Variants in ZBTB20 observed in about 807,000 individuals in gnomAD.
The protein encoded by ZBTB20 is zinc finger and BTB domain containing 20.
A neutral mutation model predicts 56.9 loss-of-function variants in ZBTB20; 9 were observed. That is an observed-to-expected ratio of 0.16 (90% CI 0.10 to 0.28). The LOEUF (loss-of-function observed/expected upper bound fraction) is 0.28. Among genes scored for constraint, ZBTB20 ranks in the 10% least tolerant of loss-of-function variants. The probability of loss-of-function intolerance (pLI) is 1.00; values close to 1 mark genes in which losing one functional copy is unlikely to be tolerated. For synonymous variants in ZBTB20, 417 were observed against 420.7 expected (o/e 0.99, Z 0.11); for missense variants, 655 against 1,003.0 (o/e 0.65, Z 4.69).
intron 2 of ZBTB20, among the ~76,000 whole-genome samples, chr3:115,054,913 G>A (rs956696762): frequency 1.3e-5 from 2 of 152,034 alleles, no homozygotes; most frequent in African/African-American, 4.8e-5. Flanking sequence ...TATAAGAAGT[G>A]TTAGGACTTG....
intron 7 of ZBTB20, among the ~76,000 whole-genome samples, chr3:114,484,019 C>T (rs191042202): frequency 2.0e-5 from 3 of 152,100 alleles, no homozygotes; most frequent in Non-Finnish European, 4.4e-5. Context: ...GCACAAATGA[C>T]AAATTGGCAC....
intron 7 of ZBTB20, among the ~76,000 whole-genome samples, chr3:114,442,475 A>G (rs966901346): frequency 6.6e-6 from 1 of 152,152 alleles, no homozygotes; most frequent in Non-Finnish European, 1.5e-5. Flanking sequence ...CAGGAACACC[A>G]GTAACAGCAA....
At chr3:114,403,627 T>C (rs914351667) in intron 7 of ZBTB20, among the ~76,000 whole-genome samples, 13 of 151,978 alleles carry the variant, frequency 8.6e-5, no homozygotes, top group African/African-American at 3.1e-4. Context: ...TCTCCATATT[T>C]GTACAACACT....
At position 114,585,510 on chromosome 3, in the gene ZBTB20, A is replaced by G. The variant is rs554102900; in HGVS notation, c.-294-85119T>C. On this transcript the variant is annotated intron_variant, in intron 6 of 11. Transcript: ENST00000675478. Reference sequence around the variant, plus strand: ...TGTGGGGTTCAGAGGATGCAGGAAGAAATCTATTTCTGTGCAGTTCATTTT... The same window carrying G: ...TGTGGGGTTCAGAGGATGCAGGAAGGAATCTATTTCTGTGCAGTTCATTTT... Among the ~76,000 whole-genome samples the G allele has an allele frequency of 9.2e-5, 14 of 152,346 alleles. No homozygotes were observed. The South Asian group carries it at 2.9e-3, about 32-fold the overall frequency.
chr3:114,840,216 G>A (rs1264569148), intron 4 of ZBTB20, among the ~76,000 whole-genome samples: 1 of 144,544 alleles, frequency 6.9e-6, no homozygotes, highest in Non-Finnish European at 1.5e-5. Context: ...TTGCAGGGTC[G>A]CTGTGTGATA....
intron 6 of ZBTB20, among the ~76,000 whole-genome samples, chr3:114,623,556 GT>G (rs1475637958): frequency 2.0e-5 from 3 of 152,222 alleles, no homozygotes; most frequent in African/African-American, 7.2e-5. Context: ...GTGTGGGGAG[GT>G]TCCCTAACGT....
chr3:114,361,080 T>A (rs1344479485), intron 10 of ZBTB20, among the ~76,000 whole-genome samples: 1 of 152,156 alleles, frequency 6.6e-6, no homozygotes, highest in Non-Finnish European at 1.5e-5. Context: ...TATTTACATA[T>A]TGTCAAAAAA....
chr3:114,683,256 T>C lies in ZBTB20; in HGVS notation c.-295+10272A>G, dbSNP rs565694008. 2.0e-5 allele frequency among the ~76,000 whole-genome samples: 3 copies of C among 152,288 alleles called. No individual in the cohort carries two copies. The South Asian group carries it at 6.2e-4, about 32-fold the overall frequency. On this transcript the variant is annotated intron_variant, in intron 6 of 11. Coordinates refer to ENST00000675478, the MANE Select transcript of ZBTB20 (RefSeq NM_001348800.3). ...GTCACCATACCCCAGAAAAAATCTTTACATATCCATGTCTTAGACACTGAG... is the reference window on the plus strand; with the variant it reads ...GTCACCATACCCCAGAAAAAATCTTCACATATCCATGTCTTAGACACTGAG...
Position 114,339,462 on chromosome 3 carries a change from G to A in ZBTB20, c.1805-36C>T. The A allele has an allele frequency of 6.3e-7, 1 of 1,588,056 alleles. No individual in the cohort carries two copies. Among genetic ancestry groups the A allele is most frequent in the Middle Eastern group, 1.7e-4 (1 of 5,774 alleles). ...AGGAAGAGACAGCAAGCAGGACAGA[G>A]CGAGACATAGCAAGGGATAGAGAAT... On this transcript the variant is annotated intron_variant, in intron 11 of 11. Transcript: ENST00000675478. The surrounding 1 kb of genome is among the most constrained non-coding windows in gnomAD (Gnocchi z 4.2).
intron 4 of ZBTB20, among the ~76,000 whole-genome samples, chr3:114,807,336 C>T (rs1478869869): frequency 6.6e-6 from 1 of 151,876 alleles, no homozygotes; most frequent in Non-Finnish European, 1.5e-5. Context: ...ATATTGCCGG[C>T]AAATAAATAG....
intron 6 of ZBTB20, among the ~76,000 whole-genome samples, chr3:114,535,367 A>G (rs1230034010): frequency 7.2e-5 from 11 of 152,236 alleles, no homozygotes; most frequent in Non-Finnish European, 1.0e-4. Flanking sequence ...AAACACCTCT[A>G]TGCAAATAAA....
At chr3:114,879,247 G>T (rs773259733) in intron 4 of ZBTB20, among the ~76,000 whole-genome samples, 5 of 152,246 alleles carry the variant, frequency 3.3e-5, no homozygotes, top group Admixed American at 1.3e-4. Flanking sequence ...CTCAACTAGC[G>T]ATCTTGAAGC....
At chr3:114,926,361 G>C (rs780613627) in intron 3 of ZBTB20, among the ~76,000 whole-genome samples, 2 of 152,094 alleles carry the variant, frequency 1.3e-5, no homozygotes, top group Admixed American at 6.6e-5. Context: ...ATTGTGTTTT[G>C]TTATGCTTTG....
In ZBTB20 at chr3:115,113,915, T is replaced by C. The variant is rs72945782; in HGVS notation, c.-703+33304A>G. On this transcript the variant is annotated intron_variant, in intron 1 of 11. Transcript: ENST00000675478. ...ACACTTTTGTAATCAATTCCCTGGA[T>C]TGAAGTTCCTCTTTTCTGAGTCATT... is the stretch of plus-strand genomic sequence containing the variant. 5.6e-3 allele frequency among the ~76,000 whole-genome samples: 854 copies of C among 152,270 alleles called. 12 individuals carry two copies. The highest frequency in any genetic ancestry group is 0.02 in the African/African-American group (826 of 41,560).
Position 114,354,572 on chromosome 3 carries a change from TG to T in ZBTB20, c.200-2695del, listed in dbSNP as rs71616312. ...TGTGTGTTCTGAACAGGTTTTTTTT[TG>T]TTTTGTTTTGTTTGTTTTTTTTTTT... On this transcript the variant is annotated intron_variant, in intron 10 of 11. Transcript: ENST00000675478. 2.9e-3 allele frequency among the ~76,000 whole-genome samples: 345 copies of T among 117,246 alleles called. 4 individuals are homozygous for T. Among genetic ancestry groups the T allele is most frequent in the East Asian group, 0.014 (50 of 3,602 alleles). The allele number at this position is 117,246 out of a possible 152,430, so 76.9% of individuals were successfully genotyped here.
In ZBTB20 at chr3:114,360,114, A is replaced by T. The variant is rs192106549; in HGVS notation, c.200-8236T>A. Among the ~76,000 whole-genome samples the T allele has an allele frequency of 2.0e-5, 3 of 152,140 alleles. No individual in the cohort carries two copies. In the East Asian group the frequency reaches 5.8e-4, roughly 29 times the overall value. On this transcript the variant is annotated intron_variant, in intron 10 of 11. Coordinates refer to ENST00000675478, the MANE Select transcript of ZBTB20 (RefSeq NM_001348800.3). ...GAACTCAATAGTGTCATTAAAAAAA[A>T]AAAAAGCTTTCTGGCAAAAAATATC...
chr3:114,498,361 A>G (rs2043532843), intron 7 of ZBTB20, among the ~76,000 whole-genome samples: 1 of 152,190 alleles, frequency 6.6e-6, no homozygotes, highest in African/African-American at 2.4e-5. Flanking sequence ...GAACAAGCAG[A>G]ATTCTGTACC....
At chr3:114,895,265 A>G (rs1486637214) in intron 4 of ZBTB20, among the ~76,000 whole-genome samples, 2 of 152,164 alleles carry the variant, frequency 1.3e-5, no homozygotes, top group Non-Finnish European at 2.9e-5. Context: ...ACTAAACCTG[A>G]GGCTGCTTAG....
At chr3:114,926,134 C>T (rs753172775) in intron 3 of ZBTB20, among the ~76,000 whole-genome samples, 11 of 152,142 alleles carry the variant, frequency 7.2e-5, no homozygotes, top group Non-Finnish European at 1.3e-4. Flanking sequence ...CTGACATCCC[C>T]GTTCCTTCCC....
Sources: gnomAD v4.1 joint callset for allele counts (sites outside exome capture counted in the v4.1 genomes callset) on GRCh38, gnomAD v4.1.1 for gene constraint, Gnocchi (gnomAD v3.1) non-coding constraint, MANE v1.5 for transcripts, NCBI Gene and HGNC (gene_info 2026-07-23, HGNC 2026-07-21) for gene names.